Variants in BPTF observed in about 807,000 individuals in gnomAD.
BPTF encodes the protein nucleosome-remodeling factor subunit BPTF.
Under a neutral mutation model 292.5 loss-of-function variants are expected in BPTF, and 18 were observed. That is an observed-to-expected ratio of 0.06 (90% CI 0.04 to 0.09). The LOEUF (loss-of-function observed/expected upper bound fraction) is 0.09. Among genes scored for constraint, BPTF ranks in the 10% least tolerant of loss-of-function variants. The pLI is 1.00. For synonymous variants in BPTF, 1,225 were observed against 1,251.9 expected (o/e 0.98, Z 0.45); for missense variants, 2,726 against 3,498.7 (o/e 0.78, Z 5.57).
chr17:67,916,347 T>A (rs1012114781), intron 11 of BPTF, among the ~76,000 whole-genome samples: 4 of 152,134 alleles, frequency 2.6e-5, no homozygotes, highest in Non-Finnish European at 5.9e-5. Flanking sequence ...CCCAGCACTT[T>A]GGGAGGCCGA....
chr17:67,941,959 A>G (rs887139054), intron 19 of BPTF, among the ~76,000 whole-genome samples: 2 of 152,202 alleles, frequency 1.3e-5, no homozygotes, highest in African/African-American at 4.8e-5. Flanking sequence ...TATATAAAGA[A>G]TTACTACAAA....
At position 67,854,812 on chromosome 17, in the gene BPTF, TTTC is replaced by T; in HGVS notation, c.1436+51_1436+53del. 3 of 1,361,754 alleles carry T rather than the reference TTTC, an allele frequency of 2.2e-6. No homozygotes were observed. Among genetic ancestry groups the T allele is most frequent in the Non-Finnish European group, 3.1e-6 (3 of 976,152 alleles). 84.4% of individuals were successfully genotyped at this position (1,361,754 alleles called of 1,614,324 possible). ...TTGTATGCATTTAAAATTAGACTAG[TTTC>T]CTTCGTGATTGATGTAGCAGAGCTA... On this transcript the variant is annotated intron_variant, in intron 2 of 27. Coordinates refer to ENST00000306378, the MANE Select transcript of BPTF (RefSeq NM_182641.4). The surrounding 1 kb of genome is among the most constrained non-coding windows in gnomAD (Gnocchi z 5.6).
Position 67,945,684 on chromosome 17 carries a change from G to A in BPTF, c.6976G>A (p.Ala2326Thr). ...THAQSSKPQV[A>T]AQSQPQSNVQ... ...CGCACAGTCATCCAAGCCCCAAGTT[G>A]CAGCACAGTCTCAGCCTCAAAGTAA... is the stretch of plus-strand genomic sequence containing the variant. Residue 2326 changes from alanine (A) to threonine (T), a missense_variant, in exon 21 of 28, where the codon GCA (alanine) becomes ACA (threonine). Physicochemically the swap from Ala to Thr is moderately conservative, Grantham distance 58. Around this residue, in one of 22 missense-constraint regions of BPTF, gnomAD observed 570 missense variants for 633.5 expected, o/e 0.90. Coordinates refer to ENST00000306378, the MANE Select transcript of BPTF (RefSeq NM_182641.4). 1 of 1,614,090 alleles carries A rather than the reference G, an allele frequency of 6.2e-7. No homozygotes were observed. The highest frequency in any genetic ancestry group is 8.5e-7 in the Non-Finnish European group (1 of 1,180,018).
At chr17:67,881,605 G>C (rs2060411448) in intron 4 of BPTF, among the ~76,000 whole-genome samples, 1 of 146,400 alleles carries the variant, frequency 6.8e-6, no homozygotes, top group Non-Finnish European at 1.5e-5. Flanking sequence ...CCAGGTTCAA[G>C]CGATTCTCCT....
intron 24 of BPTF, chr17:67,963,529 T>C (rs1380422168): frequency 5.8e-6 from 8 of 1,386,106 alleles, no homozygotes; most frequent in Middle Eastern, 1.8e-4. Flanking sequence ...AAGAGCATCA[T>C]ATTTAATAAT....
Position 67,944,035 on chromosome 17 carries a change from A to G in BPTF, c.6478-115A>G, listed in dbSNP as rs536961948. 587 of 813,724 alleles carry G rather than the reference A, an allele frequency of 7.2e-4. 1 individual carries two copies. The highest frequency in any genetic ancestry group is 9.4e-4 in the Admixed American group (42 of 44,566). 50.4% of individuals were successfully genotyped at this position (813,724 alleles called of 1,614,324 possible). On this transcript the variant is annotated intron_variant, in intron 19 of 27. Transcript: ENST00000306378. The stretch of plus-strand genomic sequence containing the variant: ...TCTAAATTCCTGCTGGTGACATTCA[A>G]ATATGTATTTTCATTATATTAAAAG...
intron 1 of BPTF, among the ~76,000 whole-genome samples, chr17:67,831,526 G>T (rs576573728): frequency 4.5e-4 from 68 of 152,292 alleles, no homozygotes; most frequent in Non-Finnish European, 8.2e-4. Context: ...TTGGAAGTTT[G>T]TATTGAAACA....
intron 4 of BPTF, among the ~76,000 whole-genome samples, chr17:67,880,296 G>A (rs1356120985): frequency 6.6e-6 from 1 of 151,906 alleles, no homozygotes; most frequent in African/African-American, 2.4e-5. Flanking sequence ...TCTGGTCTTA[G>A]TATTTTGTCC....
intron 1 of BPTF, among the ~76,000 whole-genome samples, chr17:67,827,970 C>G (rs1417784218): frequency 7.1e-6 from 1 of 139,912 alleles, no homozygotes; most frequent in Non-Finnish European, 1.5e-5. Context: ...CTTGCTCTGT[C>G]GTCTGGGCTG....
chr17:67,856,879 T>G lies in BPTF; in HGVS notation c.1436+2117T>G, dbSNP rs1239744070. On this transcript the variant is annotated intron_variant, in intron 2 of 27. Coordinates refer to ENST00000306378, the MANE Select transcript of BPTF (RefSeq NM_182641.4). ...TCTGCCAGTCCAGGGAACCTCAGTT[T>G]ACCTCCTCTAGAGACTAGACCTTTG... is the stretch of plus-strand genomic sequence containing the variant. 2.0e-5 allele frequency among the ~76,000 whole-genome samples: 3 copies of G among 152,188 alleles called. No homozygotes were observed. The East Asian group carries it at 5.8e-4, about 29-fold the overall frequency.
intron 18 of BPTF, among the ~76,000 whole-genome samples, chr17:67,937,604 A>G (rs925455594): frequency 2.0e-5 from 3 of 152,180 alleles, no homozygotes; most frequent in African/African-American, 7.2e-5. Flanking sequence ...TGAAAAAGAA[A>G]CAGCAAATGC....
At chr17:67,874,560 C>G (rs1238317535) in intron 3 of BPTF, among the ~76,000 whole-genome samples, 1 of 152,040 alleles carries the variant, frequency 6.6e-6, no homozygotes, top group African/African-American at 2.4e-5. Context: ...AAAAGATAGG[C>G]TCATTTTACT....
intron 9 of BPTF, among the ~76,000 whole-genome samples, chr17:67,906,065 G>GT (rs1040395793): frequency 7.9e-5 from 12 of 151,530 alleles, no homozygotes; most frequent in Middle Eastern, 3.4e-3. Context: ...AAATAATGAG[G>GT]TTTTTTTTGG....
chr17:67,831,718 C>T (rs998982224), intron 1 of BPTF, among the ~76,000 whole-genome samples: 52 of 152,058 alleles, frequency 3.4e-4, no homozygotes, highest in African/African-American at 9.7e-4. Context: ...GACACAGGAG[C>T]AAATCCTAGC....
At chr17:67,926,705 A>G (rs1314500754) in intron 15 of BPTF, among the ~76,000 whole-genome samples, 1 of 152,090 alleles carries the variant, frequency 6.6e-6, no homozygotes, top group African/African-American at 2.4e-5. Context: ...ATATCCTCCT[A>G]TAAATAAGTA....
At chr17:67,852,221 G>A (rs2058450420) in intron 1 of BPTF, among the ~76,000 whole-genome samples, 1 of 151,936 alleles carries the variant, frequency 6.6e-6, no homozygotes. Context: ...ATTAGTGGCA[G>A]CATCATTTTA....
chr17:67,853,460 G>T (rs187080733), intron 1 of BPTF, among the ~76,000 whole-genome samples: 260 of 152,308 alleles, frequency 1.7e-3, no homozygotes, highest in African/African-American at 6.1e-3. Flanking sequence ...GGAACTTCGT[G>T]TCTGGTTGTT....
At chr17:67,842,521 G>A (rs1270797030) in intron 1 of BPTF, among the ~76,000 whole-genome samples, 1 of 152,056 alleles carries the variant, frequency 6.6e-6, no homozygotes, top group Non-Finnish European at 1.5e-5. Flanking sequence ...CCAACTTTCT[G>A]TGCTGTCCCA....
chr17:67,915,549 C>G (rs1173254696), intron 11 of BPTF, among the ~76,000 whole-genome samples: 1 of 152,030 alleles, frequency 6.6e-6, no homozygotes, highest in African/African-American at 2.4e-5. Flanking sequence ...CTCATGCCAC[C>G]TTCATCTCTT....
Sources: gnomAD v4.1 joint callset for allele counts (sites outside exome capture counted in the v4.1 genomes callset) on GRCh38, gnomAD v4.1.1 for gene constraint, gnomAD v4.1.1 regional missense constraint, Gnocchi (gnomAD v3.1) non-coding constraint, MANE v1.5 for transcripts, NCBI Gene and HGNC (gene_info 2026-07-23, HGNC 2026-07-21) for gene names.